The following ZZZ3 variants were observed in gnomAD, a reference collection of about 807,000 sequenced individuals.
ZZZ3 encodes zinc finger ZZ-type containing 3, also known as ZZ-type zinc finger-containing protein 3.
ZZZ3 carries 22 observed loss-of-function variants against 95.2 expected under a neutral mutation model. The observed-to-expected ratio is 0.23, with a 90% CI of 0.17 to 0.33. ZZZ3 has a LOEUF of 0.33. Among genes scored for constraint, ZZZ3 ranks in the 10% least tolerant of loss-of-function variants. The probability of loss-of-function intolerance (pLI) is 1.00; values close to 1 mark genes in which losing one functional copy is unlikely to be tolerated. For missense variants in ZZZ3, 885 were observed against 1,066.5 expected (o/e 0.83, Z 2.37); for synonymous variants, 335 against 358.9 (o/e 0.93, Z 0.75).
chr1:77,645,569 C>A (rs1354275885), intron 1 of ZZZ3: 1 of 152,124 alleles, frequency 6.6e-6, no homozygotes, highest in Non-Finnish European at 1.5e-5. Flanking sequence ...TGGGACTGCA[C>A]CTATGAACAG....
intron 1 of ZZZ3, among the ~76,000 whole-genome samples, chr1:77,642,341 T>C (rs1370575956): frequency 6.6e-6 from 1 of 152,218 alleles, no homozygotes; most frequent in Non-Finnish European, 1.5e-5. Context: ...CAAAAGAATG[T>C]TCATTCATAC....
chr1:77,672,541 CAA>C (rs758095183), intron 1 of ZZZ3, among the ~76,000 whole-genome samples: 2 of 152,184 alleles, frequency 1.3e-5, no homozygotes, highest in African/African-American at 4.8e-5. Context: ...TAGTGCTACT[CAA>C]AGTGTGGTCT....
At position 77,568,382 on chromosome 1, in the gene ZZZ3, G is replaced by T. The variant is rs775111726; in HGVS notation, c.2416C>A (p.Leu806Ile). 1.3e-6 allele frequency: 2 copies of T among 1,586,694 alleles called. No individual in the cohort carries two copies. ...LQFKKLKKQK[L>I]QQMQAESGFV... ...CCACTTTCAGCTTGCATTTGCTGAA[G>T]TTTCTGCTTCTTTAACTTTTTAAAC... is the stretch of plus-strand genomic sequence containing the variant. Residue 806 changes from leucine to isoleucine, a missense_variant, in exon 13 of 15, where the codon CTT becomes ATT. Leu to Ile is a conservative substitution (Grantham distance 5, BLOSUM62 2). Around this residue, in one of 5 missense-constraint regions of ZZZ3, gnomAD observed 221 missense variants for 247.8 expected, o/e 0.89. Transcript: ENST00000370801.
intron 5 of ZZZ3, among the ~76,000 whole-genome samples, chr1:77,631,578 A>T (rs1667818403): frequency 6.6e-6 from 1 of 152,190 alleles, no homozygotes; most frequent in South Asian, 2.1e-4. Context: ...TATAAAACAT[A>T]TTAAAAAAAC....
At chr1:77,570,060 C>T (rs1166649928) in intron 12 of ZZZ3, among the ~76,000 whole-genome samples, 1 of 152,184 alleles carries the variant, frequency 6.6e-6, no homozygotes, top group African/African-American at 2.4e-5. Flanking sequence ...AAAGCTTACA[C>T]AAAGCAGCCC....
At chr1:77,636,241 C>T (rs1668285418) in intron 4 of ZZZ3, among the ~76,000 whole-genome samples, 1 of 152,098 alleles carries the variant, frequency 6.6e-6, no homozygotes, top group Non-Finnish European at 1.5e-5. Context: ...GCATAAAAAC[C>T]TCTTAAATTA....
chr1:77,587,028 T>A (rs1413691131), intron 5 of ZZZ3, among the ~76,000 whole-genome samples: 1 of 152,146 alleles, frequency 6.6e-6, no homozygotes, highest in Non-Finnish European at 1.5e-5. Context: ...CAAAGCATTA[T>A]ACTAAAAGCA....
At position 77,633,378 on chromosome 1, in the gene ZZZ3, G is replaced by T; in HGVS notation, c.-24C>A. 6.5e-7 allele frequency: 1 copy of T among 1,548,620 alleles called. No homozygotes were observed. Among genetic ancestry groups the T allele is most frequent in the South Asian group, 1.3e-5 (1 of 78,730 alleles). ...ATACTATGGCAAGTCCCTACAATAC[G>T]GTCATCATGATCCACTCATTGGGAA... On this transcript the variant is annotated 5_prime_UTR_variant, in exon 5 of 15. Transcript: ENST00000370801.
chr1:77,566,844 T>C (rs1395955942), intron 13 of ZZZ3, among the ~76,000 whole-genome samples: 2 of 152,188 alleles, frequency 1.3e-5, no homozygotes, highest in African/African-American at 4.8e-5. Flanking sequence ...CTGTGCACTT[T>C]TGGAAATCAA....
chr1:77,610,624 T>C (rs979169385), intron 5 of ZZZ3, among the ~76,000 whole-genome samples: 10 of 151,704 alleles, frequency 6.6e-5, no homozygotes, highest in African/African-American at 2.4e-4. Context: ...CATGGCCAAT[T>C]AGGACTTATC....
At chr1:77,668,131 C>A (rs1671415456) in intron 1 of ZZZ3, among the ~76,000 whole-genome samples, 1 of 152,074 alleles carries the variant, frequency 6.6e-6, no homozygotes, top group Admixed American at 6.6e-5. Context: ...ATATTAATTT[C>A]TTTAGATTAC....
chr1:77,649,284 A>T (rs1669583643), intron 1 of ZZZ3, among the ~76,000 whole-genome samples: 1 of 152,210 alleles, frequency 6.6e-6, no homozygotes, highest in Non-Finnish European at 1.5e-5. Flanking sequence ...CAGAGAGAAA[A>T]ATAAGAATGA....
chr1:77,584,399 T>G, intron 6 of ZZZ3, 118 bp downstream of exon 6: 1 of 1,028,380 alleles, frequency 9.7e-7, no homozygotes, highest in Non-Finnish European at 1.3e-6. Flanking sequence ...CGGCTAATTA[T>G]AGACGAAAAA....
intron 1 of ZZZ3, among the ~76,000 whole-genome samples, chr1:77,663,993 G>A (rs1007357260): frequency 6.0e-5 from 9 of 151,050 alleles, no homozygotes; most frequent in East Asian, 3.9e-4. Flanking sequence ...CAGGTGATCC[G>A]CCCGCCTCAG....
intron 1 of ZZZ3, among the ~76,000 whole-genome samples, chr1:77,662,964 G>C (rs776016857): frequency 4.6e-5 from 7 of 152,094 alleles, no homozygotes; most frequent in Non-Finnish European, 8.8e-5. Flanking sequence ...CATTAGCCAG[G>C]CATGGTAGCA....
chr1:77,599,899 T>C (rs1220632155), intron 5 of ZZZ3, among the ~76,000 whole-genome samples: 1 of 152,162 alleles, frequency 6.6e-6, no homozygotes, highest in East Asian at 1.9e-4. Context: ...GTCTTCATTA[T>C]ATATGTTATC....
chr1:77,625,894 G>A (rs1667290719), intron 5 of ZZZ3, among the ~76,000 whole-genome samples: 1 of 151,940 alleles, frequency 6.6e-6, no homozygotes, highest in Non-Finnish European at 1.5e-5. Context: ...CTACTCAGGA[G>A]GCTGAGGCAG....
intron 5 of ZZZ3, among the ~76,000 whole-genome samples, chr1:77,604,588 C>G (rs1290399535): frequency 6.6e-6 from 1 of 152,100 alleles, no homozygotes; most frequent in African/African-American, 2.4e-5. Flanking sequence ...TCAAGCATCC[C>G]CTATGTTCTA....
intron 1 of ZZZ3, among the ~76,000 whole-genome samples, chr1:77,679,801 C>A (rs1334966741): frequency 6.6e-6 from 1 of 152,190 alleles, no homozygotes; most frequent in Non-Finnish European, 1.5e-5. Context: ...CTCAACCAAA[C>A]ACAAACCATG....
Sources: allele counts gnomAD v4.1 joint callset (sites outside exome capture counted in the v4.1 genomes callset), GRCh38; gene constraint gnomAD v4.1.1; regional missense constraint gnomAD v4.1.1; transcripts MANE v1.5; gene names NCBI Gene and HGNC (gene_info 2026-07-23, HGNC 2026-07-21).